SLC24A2: variants seen among roughly 807,000 people sequenced by gnomAD.
SLC24A2 encodes the protein sodium/potassium/calcium exchanger 2.
In SLC24A2, 36 loss-of-function variants were observed where a neutral mutation model predicts 62.0. That is an observed-to-expected ratio of 0.58 (90% CI 0.44 to 0.77). SLC24A2 has a LOEUF of 0.77. SLC24A2 is among the 30% of genes least tolerant of loss of function. SLC24A2 has a pLI of 0.00. For synonymous variants in SLC24A2, 358 were observed against 294.0 expected (o/e 1.22, Z -2.23); for missense variants, 846 against 817.9 (o/e 1.03, Z -0.42).
At chr9:19,992,884 C>T in the SLC24A2 span, among the ~76,000 whole-genome samples, 6 of 152,196 alleles carry the variant, frequency 3.9e-5, no homozygotes, top group African/African-American at 1.4e-4. Flanking sequence ...ATCTGTCGAC[C>T]TATCATTTTT....
chr9:20,020,780 C>T, the SLC24A2 span, among the ~76,000 whole-genome samples: 1 of 152,072 alleles, frequency 6.6e-6, no homozygotes, highest in Non-Finnish European at 1.5e-5. Flanking sequence ...AAAGCTCAGG[C>T]TCTTTTCCTC....
the SLC24A2 span, among the ~76,000 whole-genome samples, chr9:20,144,760 A>G: frequency 6.6e-6 from 1 of 152,094 alleles, no homozygotes; most frequent in African/African-American, 2.4e-5. Context: ...CTGTCCTCAT[A>G]AGAAAGGTTT....
At chr9:19,530,196 C>T (rs1207354157) in intron 8 of SLC24A2, among the ~76,000 whole-genome samples, 1 of 150,334 alleles carries the variant, frequency 6.7e-6, no homozygotes, top group Non-Finnish European at 1.5e-5. Context: ...AGTTCCCATC[C>T]TTTTCATCTG....
chr9:19,820,041 A>ATATATATATGTG, the SLC24A2 span, among the ~76,000 whole-genome samples: 2 of 20,646 alleles, frequency 9.7e-5, no homozygotes, highest in East Asian at 8.4e-4. Context: ...ATATATATAT[A>ATATATATATGTG]CATATATATA....
At chr9:20,155,437 C>T in the SLC24A2 span, among the ~76,000 whole-genome samples, 1 of 151,718 alleles carries the variant, frequency 6.6e-6, no homozygotes, top group Non-Finnish European at 1.5e-5. Context: ...CTTACAATTA[C>T]AGAAGAGATC....
chr9:19,585,154 G>T (rs1185189478), intron 5 of SLC24A2, among the ~76,000 whole-genome samples: 1 of 152,022 alleles, frequency 6.6e-6, no homozygotes, highest in African/African-American at 2.4e-5. Flanking sequence ...CATAAAAAAA[G>T]ACTTTTTTTC....
intron 5 of SLC24A2, among the ~76,000 whole-genome samples, chr9:19,586,530 T>C (rs550613097): frequency 2.3e-5 from 2 of 87,058 alleles, no homozygotes; most frequent in South Asian, 5.9e-4. Context: ...AATGCTGTGG[T>C]TAAGTTAAGT....
chr9:19,917,517 A>G, the SLC24A2 span, among the ~76,000 whole-genome samples: 1 of 151,892 alleles, frequency 6.6e-6, no homozygotes, highest in Non-Finnish European at 1.5e-5. Flanking sequence ...ATCCAGGAAC[A>G]TCATCAATCT....
chr9:19,523,856 A>C (rs1251015194), intron 9 of SLC24A2, among the ~76,000 whole-genome samples: 3 of 152,174 alleles, frequency 2.0e-5, no homozygotes, highest in Non-Finnish European at 4.4e-5. Flanking sequence ...AAGTGGGCTT[A>C]CTGGGGCCAA....
chr9:19,605,800 G>A (rs559500468), intron 4 of SLC24A2, among the ~76,000 whole-genome samples: 14 of 152,308 alleles, frequency 9.2e-5, no homozygotes, highest in Non-Finnish European at 1.9e-4. Context: ...AACAGCCCAC[G>A]ACAGATACCA....
chr9:19,671,192 G>A (rs1171027382), intron 2 of SLC24A2, among the ~76,000 whole-genome samples: 2 of 151,538 alleles, frequency 1.3e-5, no homozygotes, highest in African/African-American at 4.8e-5. Context: ...CATGGGACAT[G>A]TTTATTTGTT....
At chr9:19,944,653 C>T in the SLC24A2 span, among the ~76,000 whole-genome samples, 3 of 152,140 alleles carry the variant, frequency 2.0e-5, no homozygotes, top group Non-Finnish European at 4.4e-5. Context: ...CCATATGGGA[C>T]GGTGCCTTTC....
At chr9:19,612,398 T>C (rs551710177) in intron 4 of SLC24A2, among the ~76,000 whole-genome samples, 2 of 152,304 alleles carry the variant, frequency 1.3e-5, no homozygotes, top group Admixed American at 1.3e-4. Flanking sequence ...CAGGCTGCTC[T>C]TGTACTCCTA....
At chr9:20,253,534 AC>A in the SLC24A2 span, among the ~76,000 whole-genome samples, 1 of 152,154 alleles carries the variant, frequency 6.6e-6, no homozygotes, top group African/African-American at 2.4e-5. Flanking sequence ...AGGGTTCTCA[AC>A]CTTGGCTCCG....
chr9:19,948,894 T>A, the SLC24A2 span, among the ~76,000 whole-genome samples: 1 of 150,606 alleles, frequency 6.6e-6, no homozygotes, highest in Non-Finnish European at 1.5e-5. Flanking sequence ...AAAGGTGGGG[T>A]CTCAGAGATT....
chr9:20,192,835 GA>G, the SLC24A2 span, among the ~76,000 whole-genome samples: 1 of 152,098 alleles, frequency 6.6e-6, no homozygotes, highest in African/African-American at 2.4e-5. Context: ...GCCTTTCTTA[GA>G]AAACTCAAGA....
the SLC24A2 span, among the ~76,000 whole-genome samples, chr9:19,846,738 G>C: frequency 6.6e-6 from 1 of 152,124 alleles, no homozygotes; most frequent in African/African-American, 2.4e-5. Context: ...CAGAAATGCA[G>C]ATCTGGGGCT....
the SLC24A2 span, among the ~76,000 whole-genome samples, chr9:20,277,948 A>C: frequency 6.6e-6 from 1 of 152,206 alleles, no homozygotes; most frequent in Non-Finnish European, 1.5e-5. Flanking sequence ...AACATGGATG[A>C]AGCTGGAAAC....
the SLC24A2 span, chr9:19,958,183 G>C: frequency 6.6e-6 from 1 of 152,142 alleles, no homozygotes; most frequent in Non-Finnish European, 1.5e-5. Context: ...ACAGACTCGT[G>C]GGGAGGGATA....
Sources: gnomAD v4.1 joint callset for allele counts (sites outside exome capture counted in the v4.1 genomes callset) on GRCh38, gnomAD v4.1.1 for gene constraint, MANE v1.5 for transcripts, NCBI Gene and HGNC (gene_info 2026-07-23, HGNC 2026-07-21) for gene names.